Variants in GNG2 observed in about 807,000 individuals in gnomAD.
GNG2 encodes the protein guanine nucleotide-binding protein G(I)/G(S)/G(O) subunit gamma-2.
GNG2 carries 5 observed loss-of-function variants against 5.5 expected under a neutral mutation model. That is an observed-to-expected ratio of 0.91 (90% CI 0.48 to 1.92). GNG2 has a LOEUF of 1.92. Ranked by LOEUF, GNG2 falls within the 30% of genes most tolerant of loss-of-function variation. The probability of loss-of-function intolerance (pLI) is 0.01; values close to 1 mark genes in which losing one functional copy is unlikely to be tolerated. For missense variants in GNG2, 55 were observed against 88.4 expected, an observed-to-expected ratio of 0.62 and a Z score of 1.52; for synonymous variants, 28 against 32.0, an observed-to-expected ratio of 0.88 and a Z score of 0.42.
At chr14:51,923,303 G>A (rs1316636247) in intron 2 of GNG2, among the ~76,000 whole-genome samples, 1 of 152,102 alleles carries the variant, frequency 6.6e-6, no homozygotes, top group Admixed American at 6.6e-5. Context: ...GAATTACATA[G>A]GGATAAGCAA....
At chr14:51,886,896 T>C (rs913604950) in intron 2 of GNG2, among the ~76,000 whole-genome samples, 1 of 152,144 alleles carries the variant, frequency 6.6e-6, no homozygotes, top group Admixed American at 6.6e-5. Context: ...GGATGGAGAA[T>C]GGATTTGGAG....
chr14:51,859,739 G>T (rs571164305), upstream of GNG2, among the ~76,000 whole-genome samples: 1 of 152,272 alleles, frequency 6.6e-6, no homozygotes, highest in South Asian at 2.1e-4. Flanking sequence ...ACCCTGGTGG[G>T]TTCTACGATA....
At chr14:51,927,653 C>T (rs1418119561) in intron 2 of GNG2, among the ~76,000 whole-genome samples, 1 of 152,198 alleles carries the variant, frequency 6.6e-6, no homozygotes, top group African/African-American at 2.4e-5. Context: ...TTATCCCTAG[C>T]TCCAAGCACT....
upstream of GNG2, among the ~76,000 whole-genome samples, chr14:51,857,032 A>T (rs1882195577): frequency 6.6e-6 from 1 of 152,330 alleles, no homozygotes; most frequent in African/African-American, 2.4e-5. Context: ...TTATACAAAC[A>T]TCTGTTGACT....
At chr14:51,854,247 T>C (rs1022821362) in intron 2 of GNG2, among the ~76,000 whole-genome samples, 1 of 152,208 alleles carries the variant, frequency 6.6e-6, no homozygotes, top group Non-Finnish European at 1.5e-5. Flanking sequence ...AATCAGTGTT[T>C]CTGTTTTTAT....
chr14:51,893,378 T>G lies in GNG2; in HGVS notation c.-30+15721T>G, dbSNP rs79836716. Among the ~76,000 whole-genome samples, 228 of 152,314 alleles carry G rather than the reference T, an allele frequency of 1.5e-3. 6 individuals carry two copies. In the East Asian group the frequency reaches 0.026, roughly 17 times the overall value. ...TTTTCATATGTTTTCATTGATCTTT[T>G]GCATTTTCTCTTCTGTGAATGTCGT... is the stretch of plus-strand genomic sequence containing the variant. On this transcript the variant is annotated intron_variant, in intron 2 of 3. Transcript: ENST00000556766.
chr14:51,949,923 C>T (rs968621537), intron 2 of GNG2, among the ~76,000 whole-genome samples: 13 of 152,098 alleles, frequency 8.5e-5, no homozygotes, highest in African/African-American at 2.9e-4. Flanking sequence ...GACAAAGAAA[C>T]CATCTCGCAA....
At chr14:51,830,673 G>A (rs192694624) in intron 2 of GNG2, among the ~76,000 whole-genome samples, 22 of 152,180 alleles carry the variant, frequency 1.4e-4, no homozygotes, top group African/African-American at 4.1e-4. Flanking sequence ...GTATTCAGCC[G>A]CTAACCACTT....
At position 51,877,657 on chromosome 14, in the gene GNG2, G is replaced by A. The variant is rs757268993; in HGVS notation, c.-30G>A. On this transcript the variant is annotated splice_region_variant and 5_prime_UTR_variant, in exon 2 of 4. The change creates a new upstream start codon in the 5' untranslated region. Transcript: ENST00000556766. ...AGCCTCAGGCTTTAGGAACTGAAGA[G>A]GTAAGAATTCCAAAATATTTTCTTC... 2.2e-6 allele frequency: 1 copy of A among 453,932 alleles called. No individual in the cohort carries two copies. The highest frequency in any genetic ancestry group is 1.6e-5 in the South Asian group (1 of 63,844). 28.1% of individuals were successfully genotyped at this position (453,932 alleles called of 1,614,324 possible). A position where few individuals can be genotyped will look rare whatever the true frequency, so the allele number is the denominator to read the frequency against.
chr14:51,912,210 G>A (rs1886340150), intron 2 of GNG2, among the ~76,000 whole-genome samples: 1 of 152,124 alleles, frequency 6.6e-6, no homozygotes, highest in Non-Finnish European at 1.5e-5. Context: ...ATATATAAAT[G>A]TTAGCTTTCA....
intron 2 of GNG2, among the ~76,000 whole-genome samples, chr14:51,887,233 G>T (rs367631057): frequency 2.4e-3 from 362 of 152,276 alleles, no homozygotes; most frequent in Non-Finnish European, 4.3e-3. Context: ...ACAAAAACTA[G>T]CTGGACCCCT....
chr14:51,863,219 G>A (rs1481914337), intron 1 of GNG2, among the ~76,000 whole-genome samples: 2 of 152,194 alleles, frequency 1.3e-5, no homozygotes, highest in Admixed American at 6.5e-5. Context: ...ACTGTGGAGT[G>A]AAAAGAACGC....
At chr14:51,898,741 A>G (rs1361632925) in intron 2 of GNG2, among the ~76,000 whole-genome samples, 1 of 152,208 alleles carries the variant, frequency 6.6e-6, no homozygotes, top group Admixed American at 6.5e-5. Context: ...TCTGCCATCC[A>G]TAGGGAAGAG....
intron 2 of GNG2, among the ~76,000 whole-genome samples, chr14:51,830,753 A>G (rs1008813920): frequency 1.3e-5 from 2 of 152,192 alleles, no homozygotes; most frequent in Non-Finnish European, 2.9e-5. Context: ...TAGCTTCTTA[A>G]TAAGCCTCCT....
intron 2 of GNG2, among the ~76,000 whole-genome samples, chr14:51,911,046 T>C (rs767105118): frequency 6.6e-6 from 1 of 152,110 alleles, no homozygotes; most frequent in Non-Finnish European, 1.5e-5. Context: ...AGGTGTACAG[T>C]TGGGAACTGT....
At chr14:51,858,052 C>T (rs1349519101), upstream of GNG2, among the ~76,000 whole-genome samples, 1 of 152,186 alleles carries the variant, frequency 6.6e-6, no homozygotes, top group African/African-American at 2.4e-5. Context: ...GAGTATTTTA[C>T]AGACTTTGTT....
intron 2 of GNG2, among the ~76,000 whole-genome samples, chr14:51,838,316 C>A (rs1566639833): frequency 6.6e-6 from 1 of 151,982 alleles, no homozygotes; most frequent in East Asian, 1.9e-4. Context: ...TGGTGGCGTG[C>A]ACCTGTAATC....
At chr14:51,863,100 T>C (rs1271329419) in intron 1 of GNG2, among the ~76,000 whole-genome samples, 1 of 152,094 alleles carries the variant, frequency 6.6e-6, no homozygotes, top group Non-Finnish European at 1.5e-5. Context: ...TTTGTTTGAC[T>C]GACTTTGTTT....
intron 2 of GNG2, among the ~76,000 whole-genome samples, chr14:51,922,307 TAAAAGGA>T (rs937728461): frequency 2.6e-5 from 4 of 152,152 alleles, no homozygotes; most frequent in Non-Finnish European, 5.9e-5. Context: ...GCTTTTTAGA[TAAAAGGA>T]AAAGGAGAAG....
Sources: allele counts gnomAD v4.1 joint callset (sites outside exome capture counted in the v4.1 genomes callset), GRCh38; gene constraint gnomAD v4.1.1; transcripts MANE v1.5; gene names NCBI Gene and HGNC (gene_info 2026-07-23, HGNC 2026-07-21).